The following SETD1A variants were observed in gnomAD, a reference collection of about 807,000 sequenced individuals.
The protein encoded by SETD1A is histone-lysine N-methyltransferase SETD1A.
SETD1A carries 29 observed loss-of-function variants against 149.9 expected under a neutral mutation model. The observed-to-expected ratio is 0.19, with a 90% CI of 0.14 to 0.26. The LOEUF (loss-of-function observed/expected upper bound fraction) is 0.26, where lower values mean the gene tolerates loss of function less well. Ranked by LOEUF, SETD1A falls within the 10% of genes least tolerant of loss-of-function variation. The pLI is 1.00. For missense variants in SETD1A, 2,109 were observed against 2,353.1 expected, an observed-to-expected ratio of 0.90 and a Z score of 2.15; for synonymous variants, 1,141 against 968.5, an observed-to-expected ratio of 1.18 and a Z score of -3.31.
At chr16:30,958,167 G>T (rs915628355) in intron 1 of SETD1A, 1 of 150,886 alleles carries the variant, frequency 6.6e-6, no homozygotes, top group African/African-American at 2.4e-5. Flanking sequence ...GACCTGCTGG[G>T]GGGGGTGCAG....
rs754561283 is a variant in SETD1A, at chr16:30,980,632, G to A, written c.4556G>A (p.Arg1519Gln). ...KYLDVCPVSA[R>Q]QLEGVDTQGT... ...CTGGACGTGTGCCCAGTCTCGGCCC[G>A]GCAGCTGGAGGGCGTGGACACTCAG... The change falls in exon 15 of 19, where the codon CGG becomes CAG. Residue 1519 changes from arginine (R) to glutamine (Q), a missense_variant. Arg to Gln is a conservative substitution (Grantham distance 43). Transcript: ENST00000262519. This position sits in a 1 kb window ranked among gnomAD's most constrained non-coding sequence, Gnocchi z 7.7. 5.0e-6 allele frequency: 8 copies of A among 1,613,444 alleles called. No individual in the cohort carries two copies. Among genetic ancestry groups the A allele is most frequent in the East Asian group, 2.2e-5 (1 of 44,880 alleles).
chr16:30,961,602 G>GACCC lies in SETD1A; in HGVS notation c.517+65_517+66insACCC. Reference sequence around the variant, plus strand: ...GCGGAGGTTGTACATGCAAATGCCTGTCAGGGTCAGGCAGGCGCCCAGGGT... The same window carrying GACCC: ...GCGGAGGTTGTACATGCAAATGCCTGACCCTCAGGGTCAGGCAGGCGCCCAGGGT... On this transcript the variant is annotated intron_variant, in intron 4 of 18. Transcript: ENST00000262519. This position sits in a 1 kb window ranked among gnomAD's most constrained non-coding sequence, Gnocchi z 4.0. 1 of 1,528,602 alleles carries GACCC rather than the reference G, an allele frequency of 6.5e-7. No homozygotes were observed. The highest frequency in any genetic ancestry group is 8.9e-7 in the Non-Finnish European group (1 of 1,119,428). The allele number at this position is 1,528,602 out of a possible 1,614,324, so 94.7% of individuals were successfully genotyped here.
Position 30,969,432 on chromosome 16 carries a change from G to A in SETD1A, c.2898G>A (p.Glu966=). The change falls in exon 11 of 19, where the codon GAG becomes GAA. Residue 966 remains glutamate, a synonymous_variant. Coordinates refer to ENST00000262519, the MANE Select transcript of SETD1A (RefSeq NM_014712.3). ...CCTTTGCTCTGGACAGCGAAGGGGA[G>A]GAGGCATCCCAGGAGTCCTCCTCGG... is the stretch of plus-strand genomic sequence containing the variant. ...RKSFALDSEG[E]EASQESSSEK... is the part of the protein sequence containing the mutation. 6.2e-7 allele frequency: 1 copy of A among 1,613,392 alleles called. No individual in the cohort carries two copies. Among genetic ancestry groups the A allele is most frequent in the Admixed American group, 1.7e-5 (1 of 59,874 alleles).
chr16:30,968,402 CAAAA>C (rs1367166075), intron 10 of SETD1A, among the ~76,000 whole-genome samples: 2 of 79,508 alleles, frequency 2.5e-5, no homozygotes, highest in African/African-American at 5.2e-5. Context: ...GACTGTGTCT[CAAAA>C]AAAAAAAAAA....
In SETD1A at chr16:30,981,200, C is replaced by T. The variant is rs370802833; in HGVS notation, c.4812+20C>T. On this transcript the variant is annotated intron_variant, in intron 17 of 18. Transcript: ENST00000262519. ...CGTCAGGTGAGGCTGCACTCCCAGC[C>T]CCGCCCCGGCTTCTGATGCAACAAG... 1.4e-4 allele frequency: 225 copies of T among 1,613,110 alleles called. No individual in the cohort carries two copies. Among genetic ancestry groups the T allele is most frequent in the Non-Finnish European group, 1.8e-4 (214 of 1,179,464 alleles).
At chr16:30,975,355 T>A (rs1331328652) in intron 13 of SETD1A, among the ~76,000 whole-genome samples, 1 of 151,766 alleles carries the variant, frequency 6.6e-6, no homozygotes, top group Non-Finnish European at 1.5e-5. Context: ...ATGTGTCAAG[T>A]ACCTATGTGT....
rs527513519 is a variant in SETD1A at position 30,968,685 on chromosome 16, C to T, written c.2771-620C>T. ...GCGTGGTGGCGGGTGCCTATAGTCC[C>T]AGCTACTTGGGAGACTGAGGCAGGA... On this transcript the variant is annotated intron_variant, in intron 10 of 18. Transcript: ENST00000262519. Among the ~76,000 whole-genome samples, 453 of 152,098 alleles carry T rather than the reference C, an allele frequency of 3.0e-3. 2 individuals are homozygous for T. The highest frequency in any genetic ancestry group is 4.3e-3 in the Non-Finnish European group (290 of 68,000).
At position 30,979,918 on chromosome 16, in the gene SETD1A, G is replaced by GACAGCA; in HGVS notation, c.4133_4138dup (p.Ser1379_Ser1380insAsnSer). On this transcript the variant is annotated inframe_insertion, in exon 14 of 19. Coordinates refer to ENST00000262519, the MANE Select transcript of SETD1A (RefSeq NM_014712.3). ...GGAGGAAGAGGAGGAGGAGTCCTCT[G>GACAGCA]ACAGCAGCAGCAGCAGCGATGGGGA... 1 of 1,534,362 alleles carries GACAGCA rather than the reference G, an allele frequency of 6.5e-7. No homozygotes were observed. The highest frequency in any genetic ancestry group is 2.0e-5 in the Admixed American group (1 of 50,856).
At position 30,979,756 on chromosome 16, in the gene SETD1A, C is replaced by T. The variant is rs1357159865; in HGVS notation, c.3970C>T (p.Pro1324Ser). 1 of 1,596,838 alleles carries T rather than the reference C, an allele frequency of 6.3e-7. No homozygotes were observed. The highest frequency in any genetic ancestry group is 8.5e-7 in the Non-Finnish European group (1 of 1,177,968). Residue 1324 changes from proline to serine, a missense_variant, in exon 14 of 19, where the codon CCC becomes TCC. This residue lies in a region of SETD1A where 832 missense variants were observed against 815.6 expected (regional missense o/e 1.02). Coordinates refer to ENST00000262519, the MANE Select transcript of SETD1A (RefSeq NM_014712.3). ...ALRPPEPVPA[P>S]AALFSSPADE... is the part of the protein sequence containing the mutation. ...GCGGCCCCCGGAGCCAGTGCCCGCA[C>T]CCGCCGCCCTCTTCAGTTCCCCAGC...
chr16:30,957,951 T>G lies in SETD1A; in HGVS notation c.-29T>G, dbSNP rs2055985308. The G allele has an allele frequency of 6.6e-6, 1 of 152,302 alleles. No homozygotes were observed. The highest frequency in any genetic ancestry group is 2.1e-4 in the South Asian group (1 of 4,862). The allele number at this position is 152,302 out of a possible 1,614,324, so 9.4% of individuals were successfully genotyped here. ...GTGCGAATGCAGACCCTGTGCCCGCTGGGCCTCGCGCAGGTGGCAGTGGTG... is the reference window on the plus strand; with the variant it reads ...GTGCGAATGCAGACCCTGTGCCCGCGGGGCCTCGCGCAGGTGGCAGTGGTG... On this transcript the variant is annotated 5_prime_UTR_variant, in exon 1 of 19. Coordinates refer to ENST00000262519, the MANE Select transcript of SETD1A (RefSeq NM_014712.3).
rs2056082505 is a variant in SETD1A at position 30,963,467 on chromosome 16, C to G, written c.552C>G (p.Val184=). The G allele has an allele frequency of 1.2e-6, 2 of 1,612,518 alleles. No homozygotes were observed. Among genetic ancestry groups the G allele is most frequent in the South Asian group, 2.2e-5 (2 of 90,862 alleles). Residue 184 remains valine, a synonymous_variant, in exon 5 of 19, where the codon GTC becomes GTG. Transcript: ENST00000262519. The stretch of plus-strand genomic sequence containing the variant: ...GAATGAAATACTATGAACTAATTGT[C>G]AATGGCTCCTACACCCCTCAGACTG... ...QQRMKYYELI[V]NGSYTPQTVP...
At chr16:30,978,964 C>T (rs929555550) in intron 13 of SETD1A, among the ~76,000 whole-genome samples, 181 bp from the exon 14 acceptor site, 1 of 152,182 alleles carries the variant, frequency 6.6e-6, no homozygotes, top group Admixed American at 6.5e-5. Flanking sequence ...GGTGGGAAAC[C>T]CCCTCTCATC....
chr16:30,966,519 C>A, intron 8 of SETD1A, 133 bp downstream of exon 8: 1 of 1,384,844 alleles, frequency 7.2e-7, no homozygotes, highest in Non-Finnish European at 9.6e-7. Flanking sequence ...GCCCTGCAGG[C>A]CACCCTGGGT....
chr16:30,975,781 T>C (rs953308453), intron 13 of SETD1A, among the ~76,000 whole-genome samples: 1 of 151,982 alleles, frequency 6.6e-6, no homozygotes, highest in Non-Finnish European at 1.5e-5. Flanking sequence ...CAAGGCTTAG[T>C]GAGATGCAGG....
intron 8 of SETD1A, 60 bp downstream of exon 8, chr16:30,966,446 G>C: frequency 6.5e-7 from 1 of 1,528,936 alleles, no homozygotes; most frequent in East Asian, 2.3e-5. Context: ...TGGGCCTCTG[G>C]CTCCTCCAGG....
At chr16:30,968,720 G>T (rs1043251337) in intron 10 of SETD1A, among the ~76,000 whole-genome samples, 1 of 151,968 alleles carries the variant, frequency 6.6e-6, no homozygotes, top group Admixed American at 6.6e-5. Flanking sequence ...AGAATTGCTT[G>T]AACCCGGGAG....
intron 12 of SETD1A, 28 bp downstream of exon 12, chr16:30,969,717 T>C (rs756385895): frequency 1.3e-6 from 2 of 1,592,954 alleles, no homozygotes; most frequent in South Asian, 2.2e-5. Context: ...AAATCGACTT[T>C]GGGCTCGGAG....
Position 30,980,549 on chromosome 16 carries a change from A to G in SETD1A, c.4473A>G (p.Thr1491=), listed in dbSNP as rs1301615155. The change falls in exon 15 of 19, where the codon ACA becomes ACG. Residue 1491 remains threonine (T), a synonymous_variant. Coordinates refer to ENST00000262519, the MANE Select transcript of SETD1A (RefSeq NM_014712.3). The surrounding 1 kb of genome is among the most constrained non-coding windows in gnomAD (Gnocchi z 7.7). Reference sequence around the variant, plus strand: ...AGGATGGGCCCCGGGAGCACCAGACAGGCTCAGCCCGCAGCGAAGGCTACT... The same window carrying G: ...AGGATGGGCCCCGGGAGCACCAGACGGGCTCAGCCCGCAGCGAAGGCTACT... ...RPQDGPREHQ[T]GSARSEGYYP... is the part of the protein sequence containing the mutation. 1.2e-6 allele frequency: 2 copies of G among 1,614,188 alleles called. No individual in the cohort carries two copies. The highest frequency in any genetic ancestry group is 3.3e-5 in the Admixed American group (2 of 60,030).
chr16:30,966,810 C>T (rs1249769690), intron 8 of SETD1A, 74 bp from the exon 9 acceptor site: 2 of 1,450,728 alleles, frequency 1.4e-6, no homozygotes, highest in East Asian at 5.0e-5. Context: ...TTCCTGGGGT[C>T]CGGGAGTAGG....
Sources: allele counts gnomAD v4.1 joint callset (sites outside exome capture counted in the v4.1 genomes callset), GRCh38; gene constraint gnomAD v4.1.1; regional missense constraint gnomAD v4.1.1; non-coding constraint Gnocchi (gnomAD v3.1); transcripts MANE v1.5; gene names NCBI Gene and HGNC (gene_info 2026-07-23, HGNC 2026-07-21).